The following NEMP1 variants were observed in gnomAD, a reference collection of about 807,000 sequenced individuals.
The protein encoded by NEMP1 is nuclear envelope integral membrane protein 1.
A neutral mutation model predicts 53.7 loss-of-function variants in NEMP1; 29 were observed. The ratio of observed to expected loss-of-function variants is 0.54; its 90% CI spans 0.40 to 0.74. The LOEUF (loss-of-function observed/expected upper bound fraction) is 0.74, where lower values mean the gene tolerates loss of function less well. Ranked by LOEUF, NEMP1 falls within the 30% of genes least tolerant of loss-of-function variation. NEMP1 has a pLI of 0.00. For synonymous variants in NEMP1, 193 were observed against 192.9 expected, an observed-to-expected ratio of 1.00 and a Z score of 0.00; for missense variants, 477 against 528.6, an observed-to-expected ratio of 0.90 and a Z score of 0.96.
chr12:57,056,832 C>A lies in NEMP1; in HGVS notation c.*3047G>T, dbSNP rs1592492668. ...TGCCAAGGGTTAAAGGGAACACCAT[C>A]AGTCAAGAGACGGCTGGGCCCTAGA... On this transcript the variant is annotated 3_prime_UTR_variant, in exon 9 of 9. Coordinates refer to ENST00000300128, the MANE Select transcript of NEMP1 (RefSeq NM_001130963.2). The A allele has an allele frequency of 6.6e-6, 1 of 152,184 alleles. No homozygotes were observed. Among genetic ancestry groups the A allele is most frequent in the Admixed American group, 6.5e-5 (1 of 15,272 alleles). 9.4% of individuals were successfully genotyped at this position (152,184 alleles called of 1,614,324 possible). A position where few individuals can be genotyped will look rare whatever the true frequency, so the allele number is the denominator to read the frequency against.
upstream of NEMP1, among the ~76,000 whole-genome samples, chr12:57,081,954 C>G (rs975086534): frequency 2.0e-5 from 3 of 151,652 alleles, no homozygotes; most frequent in Non-Finnish European, 4.4e-5. Flanking sequence ...CATGGTGGCT[C>G]ACGCCTGTAA....
intron 1 of NEMP1, among the ~76,000 whole-genome samples, chr12:57,076,117 T>G (rs1311659997): frequency 6.6e-6 from 1 of 151,944 alleles, no homozygotes; most frequent in East Asian, 1.9e-4. Context: ...TAAATAAAAA[T>G]GTATACACAA....
rs191185506 is a variant in NEMP1 at position 57,075,478 on chromosome 12, G to C, written c.128-2566C>G. On this transcript the variant is annotated intron_variant, in intron 1 of 8. Coordinates refer to ENST00000300128, the MANE Select transcript of NEMP1 (RefSeq NM_001130963.2). The stretch of plus-strand genomic sequence containing the variant: ...CCACTGCACTCCGGCCTGGGCGACA[G>C]AGCAAGACTCCATCTCAATATCAAT... 1.7e-3 allele frequency among the ~76,000 whole-genome samples: 255 copies of C among 149,566 alleles called. 1 individual carries two copies. Among genetic ancestry groups the C allele is most frequent in the African/African-American group, 6.0e-3 (244 of 40,902 alleles).
chr12:57,056,752 G>C lies in NEMP1; in HGVS notation c.*3127C>G, dbSNP rs1357760769. On this transcript the variant is annotated 3_prime_UTR_variant, in exon 9 of 9. Transcript: ENST00000300128. Reference sequence around the variant, plus strand: ...AAGCCTTTTATGGATATCAGGGCCTGGGGGGACTATCTGGCCTATTTGGGT... The same window carrying C: ...AAGCCTTTTATGGATATCAGGGCCTCGGGGGACTATCTGGCCTATTTGGGT... 3 of 152,060 alleles carry C rather than the reference G, an allele frequency of 2.0e-5. No homozygotes were observed. The highest frequency in any genetic ancestry group is 6.6e-5 in the Admixed American group (1 of 15,264). 9.4% of individuals were successfully genotyped at this position (152,060 alleles called of 1,614,324 possible). A position where few individuals can be genotyped will look rare whatever the true frequency, so the allele number is the denominator to read the frequency against.
At chr12:57,064,225 A>G (rs2031963042) in intron 5 of NEMP1, 40 bp from the exon 6 acceptor site, 1 of 1,349,504 alleles carries the variant, frequency 7.4e-7, no homozygotes, top group Non-Finnish European at 1.0e-6. Context: ...AAGTTACAAC[A>G]GGCTTTCCAT....
chr12:57,074,668 C>T (rs963776350), intron 1 of NEMP1, among the ~76,000 whole-genome samples: 2 of 152,160 alleles, frequency 1.3e-5, no homozygotes, highest in Non-Finnish European at 2.9e-5. Flanking sequence ...TGTTTCCTTC[C>T]AGCTGTTTTG....
At chr12:57,068,018 C>A (rs1237519244) in intron 4 of NEMP1, among the ~76,000 whole-genome samples, 3 of 152,048 alleles carry the variant, frequency 2.0e-5, no homozygotes, top group Admixed American at 6.6e-5. Context: ...TTATCCTCCC[C>A]CTTCAGCCTC....
At chr12:57,069,127 G>T in intron 4 of NEMP1, 107 bp downstream of exon 4, 1 of 680,748 alleles carries the variant, frequency 1.5e-6, no homozygotes, top group Non-Finnish European at 2.3e-6. Flanking sequence ...CAACGGCCAA[G>T]CCATAAAGGT....
chr12:57,085,422 GCAGAA>G (rs2032963732), intron 1 of NEMP1, among the ~76,000 whole-genome samples: 1 of 152,090 alleles, frequency 6.6e-6, no homozygotes, highest in African/African-American at 2.4e-5. Context: ...ACAACTCCAA[GCAGAA>G]CAGATCACTC....
intron 1 of NEMP1, among the ~76,000 whole-genome samples, chr12:57,077,356 G>A (rs1174056483): frequency 2.6e-5 from 4 of 151,566 alleles, no homozygotes; most frequent in Admixed American, 2.6e-4. Flanking sequence ...AAATTAGCCG[G>A]GCGTGGTGGC....
intron 1 of NEMP1, among the ~76,000 whole-genome samples, chr12:57,087,179 G>A (rs1306066061): frequency 1.3e-5 from 2 of 152,240 alleles, no homozygotes; most frequent in Non-Finnish European, 2.9e-5. Flanking sequence ...CCCGGATCAG[G>A]ACCGGGACCC....
At chr12:57,064,500 G>A (rs2031978161) in intron 5 of NEMP1, 146 bp downstream of exon 5, 2 of 567,866 alleles carry the variant, frequency 3.5e-6, no homozygotes, top group Admixed American at 3.8e-5. Flanking sequence ...GTTTCATCGT[G>A]GAAAGTACCT....
At chr12:57,071,402 G>T (rs1217981769) in intron 2 of NEMP1, among the ~76,000 whole-genome samples, 2 of 151,812 alleles carry the variant, frequency 1.3e-5, no homozygotes, top group African/African-American at 4.8e-5. Context: ...TTTTGAGATG[G>T]AGTCTCGCTC....
upstream of NEMP1, among the ~76,000 whole-genome samples, chr12:57,080,967 G>T (rs2032830646): frequency 6.6e-6 from 1 of 151,612 alleles, no homozygotes; most frequent in Admixed American, 6.6e-5. Flanking sequence ...AGAAGGAAAA[G>T]TCTAGGCCAA....
intron 1 of NEMP1, among the ~76,000 whole-genome samples, chr12:57,086,585 T>TC (rs1036970955): frequency 6.6e-6 from 1 of 152,204 alleles, no homozygotes; most frequent in Non-Finnish European, 1.5e-5. Flanking sequence ...TCCCATGGTC[T>TC]CCGTCTTTGT....
At chr12:57,060,082 C>T (rs778995686) in intron 8 of NEMP1, 23 bp from the exon 9 acceptor site, 18 of 1,607,828 alleles carry the variant, frequency 1.1e-5, no homozygotes, top group Admixed American at 1.7e-5. Context: ...AGATAATACT[C>T]GTTAGAAATA....
chr12:57,064,856 C>A, intron 4 of NEMP1, 117 bp from the exon 5 acceptor site: 1 of 683,950 alleles, frequency 1.5e-6, no homozygotes, highest in Non-Finnish European at 2.4e-6. Context: ...TAGAGCAGTA[C>A]AAGCATCAGA....
At chr12:57,081,062 T>C (rs2032833177), upstream of NEMP1, among the ~76,000 whole-genome samples, 1 of 152,204 alleles carries the variant, frequency 6.6e-6, no homozygotes, top group Non-Finnish European at 1.5e-5. Flanking sequence ...GTTGATACTA[T>C]GTACCCTTGA....
intron 7 of NEMP1, among the ~76,000 whole-genome samples, chr12:57,062,028 G>T (rs1333624816): frequency 6.6e-6 from 1 of 152,084 alleles, no homozygotes; most frequent in Non-Finnish European, 1.5e-5. Context: ...CAGTAACTTG[G>T]TTTCCCAAAC....
Sources: allele counts gnomAD v4.1 joint callset (sites outside exome capture counted in the v4.1 genomes callset), GRCh38; gene constraint gnomAD v4.1.1; transcripts MANE v1.5; gene names NCBI Gene and HGNC (gene_info 2026-07-23, HGNC 2026-07-21).